The following ADK variants were observed in gnomAD, a reference collection of about 807,000 sequenced individuals.
The protein encoded by ADK is N6,N6-dimethyladenosine kinase.
A neutral mutation model predicts 44.7 loss-of-function variants in ADK; 24 were observed. That is an observed-to-expected ratio of 0.54 (90% CI 0.39 to 0.76). ADK has a LOEUF of 0.76. Among genes scored for constraint, ADK ranks in the 30% least tolerant of loss-of-function variants. The pLI is 0.00. For missense variants in ADK, 321 were observed against 425.1 expected, an observed-to-expected ratio of 0.76 and a Z score of 2.15; for synonymous variants, 128 against 142.6, an observed-to-expected ratio of 0.90 and a Z score of 0.73.
At chr10:74,164,669 A>T (rs1041528429) in intron 1 of ADK, among the ~76,000 whole-genome samples, 1 of 152,062 alleles carries the variant, frequency 6.6e-6, no homozygotes, top group Admixed American at 6.6e-5. Flanking sequence ...AAATATATAC[A>T]TTTCTAGACT....
chr10:74,577,110 C>CTG (rs146683037), intron 7 of ADK, among the ~76,000 whole-genome samples: 28,972 of 136,936 alleles, frequency 0.21, 2,978 homozygotes, highest in East Asian at 0.24. Context: ...TATTATTTCT[C>CTG]TGTGTGTGTG....
intron 9 of ADK, chr10:74,655,933 G>A: frequency 1.4e-6 from 1 of 692,220 alleles, no homozygotes; most frequent in Non-Finnish European, 2.7e-6. Flanking sequence ...CTGCCCATCT[G>A]CAAGTCCGAA....
chr10:74,598,475 G>A (rs1042676924), intron 8 of ADK, among the ~76,000 whole-genome samples: 4 of 125,394 alleles, frequency 3.2e-5, no homozygotes, highest in African/African-American at 1.3e-4. Flanking sequence ...TTTTGAGATG[G>A]CGTCTTGCTC....
intron 6 of ADK, among the ~76,000 whole-genome samples, chr10:74,513,834 A>C (rs750939353): frequency 6.6e-6 from 1 of 152,004 alleles, no homozygotes; most frequent in Non-Finnish European, 1.5e-5. Context: ...TTATTTTTGC[A>C]GTTGAATGGT....
intron 6 of ADK, among the ~76,000 whole-genome samples, chr10:74,482,170 G>A (rs575987247): frequency 6.6e-6 from 1 of 152,280 alleles, no homozygotes; most frequent in South Asian, 2.1e-4. Flanking sequence ...AGTTTAGTTG[G>A]TTTATGGTTC....
chr10:74,228,864 A>G (rs1485421291), intron 3 of ADK, among the ~76,000 whole-genome samples: 1 of 152,248 alleles, frequency 6.6e-6, no homozygotes, highest in Non-Finnish European at 1.5e-5. Context: ...ATACTACTTA[A>G]CACAGAGTAA....
chr10:74,350,505 C>A (rs1841928672), intron 4 of ADK, among the ~76,000 whole-genome samples: 1 of 152,026 alleles, frequency 6.6e-6, no homozygotes, highest in African/African-American at 2.4e-5. Flanking sequence ...ATTAAAAGAA[C>A]TAGAGAAGCA....
intron 4 of ADK, among the ~76,000 whole-genome samples, chr10:74,325,805 C>G (rs1840985402): frequency 6.6e-6 from 1 of 151,922 alleles, no homozygotes; most frequent in South Asian, 2.1e-4. Flanking sequence ...ATTCATATAT[C>G]CATGGGATGA....
chr10:74,264,738 G>A (rs12217890), intron 3 of ADK, among the ~76,000 whole-genome samples: 21,310 of 152,140 alleles, frequency 0.14, 1,640 homozygotes, highest in African/African-American at 0.2. Context: ...CTTTGCAGAG[G>A]TAGATCTTTC....
At chr10:74,559,913 C>T (rs1177599523) in intron 7 of ADK, among the ~76,000 whole-genome samples, 2 of 149,234 alleles carry the variant, frequency 1.3e-5, no homozygotes, top group Admixed American at 1.3e-4. Flanking sequence ...CTTGTAAATA[C>T]TTCTTGCAGT....
At chr10:74,609,994 CA>C (rs1020315551) in intron 9 of ADK, among the ~76,000 whole-genome samples, 2 of 151,926 alleles carry the variant, frequency 1.3e-5, no homozygotes, top group Non-Finnish European at 2.9e-5. Context: ...AATTGAGTTT[CA>C]AAAAAATTTT....
intron 3 of ADK, among the ~76,000 whole-genome samples, chr10:74,260,664 C>T (rs964515231): frequency 9.9e-5 from 15 of 152,150 alleles, no homozygotes; most frequent in South Asian, 2.1e-4. Flanking sequence ...TCACTGTTTT[C>T]GTTCCTAAAT....
intron 7 of ADK, among the ~76,000 whole-genome samples, chr10:74,583,962 T>A (rs561649563): frequency 6.6e-6 from 1 of 152,262 alleles, no homozygotes; most frequent in Admixed American, 6.5e-5. Flanking sequence ...CCTCACAACA[T>A]TGCAACTTAT....
At chr10:74,290,520 G>A (rs1847375068) in intron 3 of ADK, among the ~76,000 whole-genome samples, 2 of 151,416 alleles carry the variant, frequency 1.3e-5, no homozygotes, top group Non-Finnish European at 2.9e-5. Flanking sequence ...ACAAACCATT[G>A]ATAACTTTTG....
intron 6 of ADK, among the ~76,000 whole-genome samples, chr10:74,520,226 TAA>T (rs1848751662): frequency 6.6e-6 from 1 of 151,974 alleles, no homozygotes; most frequent in South Asian, 2.1e-4. Flanking sequence ...CCAAATAGAT[TAA>T]AATCTACTGT....
chr10:74,635,406 A>T (rs1398848876), intron 9 of ADK, among the ~76,000 whole-genome samples: 1 of 152,214 alleles, frequency 6.6e-6, no homozygotes, highest in African/African-American at 2.4e-5. Context: ...ATATTAAAAC[A>T]TTGTTATATA....
intron 4 of ADK, among the ~76,000 whole-genome samples, chr10:74,360,033 T>C (rs1160875387): frequency 6.6e-6 from 1 of 152,190 alleles, no homozygotes; most frequent in Non-Finnish European, 1.5e-5. Flanking sequence ...TCTAATATAA[T>C]ATGGTCTAAT....
At chr10:74,220,790 G>A (rs1290620914) in intron 2 of ADK, among the ~76,000 whole-genome samples, 1 of 152,144 alleles carries the variant, frequency 6.6e-6, no homozygotes, top group East Asian at 1.9e-4. Flanking sequence ...CTCAGTAGAT[G>A]CAGAAAAGGC....
At chr10:74,222,523 A>G (rs1339170025) in intron 2 of ADK, among the ~76,000 whole-genome samples, 1 of 152,166 alleles carries the variant, frequency 6.6e-6, no homozygotes, top group Non-Finnish European at 1.5e-5. Flanking sequence ...GTATACCCAA[A>G]GGACTATAAA....
Sources: allele counts gnomAD v4.1 joint callset (sites outside exome capture counted in the v4.1 genomes callset), GRCh38; gene constraint gnomAD v4.1.1; transcripts MANE v1.5; gene names NCBI Gene and HGNC (gene_info 2026-07-23, HGNC 2026-07-21).